The following SUGP2 variants were observed in gnomAD, a reference collection of about 807,000 sequenced individuals.
The protein encoded by SUGP2 is SURP and G-patch domain containing 2, also known as SURP and G-patch domain-containing protein 2.
A neutral mutation model predicts 90.5 loss-of-function variants in SUGP2; 24 were observed. That is an observed-to-expected ratio of 0.27 (90% CI 0.19 to 0.37). The LOEUF (loss-of-function observed/expected upper bound fraction) is 0.37, where lower values mean the gene tolerates loss of function less well. Ranked by LOEUF, SUGP2 falls within the 10% of genes least tolerant of loss-of-function variation. The probability of loss-of-function intolerance (pLI) is 1.00; values close to 1 mark genes in which losing one functional copy is unlikely to be tolerated. For synonymous variants in SUGP2, 473 were observed against 513.4 expected (o/e 0.92, Z 1.06); for missense variants, 1,233 against 1,363.3 (o/e 0.90, Z 1.51).
At chr19:19,028,552 C>T (rs1198467610) in intron 2 of SUGP2, among the ~76,000 whole-genome samples, 2 of 152,244 alleles carry the variant, frequency 1.3e-5, no homozygotes, top group African/African-American at 4.8e-5. Context: ...AGAATTTTCT[C>T]ATACCCTTTA....
At chr19:19,006,145 G>A (rs970227582) in intron 6 of SUGP2, among the ~76,000 whole-genome samples, 15 of 152,004 alleles carry the variant, frequency 9.9e-5, no homozygotes, top group Non-Finnish European at 1.8e-4. Flanking sequence ...GCTTGAACCC[G>A]AGAGGCGGAG....
rs775576918 is a variant in SUGP2, at chr19:18,994,390, G to A, written c.3225C>T (p.Tyr1075=). ...CCTATTTGTTGGCCCGCTTGTGTCT[G>A]TACATCTGCATCATCCTCTGTCGGA... ...DVFRQRMMQM[Y]RHKRANK is the part of the protein sequence containing the mutation. The change falls in exon 10 of 11, where the codon TAC becomes TAT. Residue 1075 remains tyrosine, a synonymous_variant. Transcript: ENST00000452918. 5.6e-6 allele frequency: 9 copies of A among 1,614,202 alleles called. No individual in the cohort carries two copies. The highest frequency in any genetic ancestry group is 1.7e-6 in the Non-Finnish European group (2 of 1,180,014).
chr19:19,004,057 G>A, intron 7 of SUGP2, 111 bp downstream of exon 7: 3 of 819,548 alleles, frequency 3.7e-6, no homozygotes, highest in Admixed American at 5.1e-5. Context: ...TTTTGGAGTG[G>A]TGCACAAAAC....
At chr19:18,994,215 C>A in intron 10 of SUGP2, 151 bp downstream of exon 10, 2 of 1,065,438 alleles carry the variant, frequency 1.9e-6, no homozygotes, top group Non-Finnish European at 2.8e-6. Context: ...CATCCATAGA[C>A]CCTTTTGTTT....
At position 18,999,457 on chromosome 19, in the gene SUGP2, C is replaced by T. The variant is rs149485735; in HGVS notation, c.2991+2156G>A. Reference sequence around the variant, plus strand: ...TACACGCCAAGGTTACAAAACTACTCGGTGGCAGGGCTGAGCTAGAGTACA... The same window carrying T: ...TACACGCCAAGGTTACAAAACTACTTGGTGGCAGGGCTGAGCTAGAGTACA... On this transcript the variant is annotated intron_variant, in intron 8 of 10. Coordinates refer to ENST00000452918, the MANE Select transcript of SUGP2 (RefSeq NM_001017392.5). 1.5e-3 allele frequency among the ~76,000 whole-genome samples: 225 copies of T among 152,312 alleles called. 1 individual carries two copies. Among genetic ancestry groups the T allele is most frequent in the Admixed American group, 5.6e-3 (85 of 15,300 alleles).
In SUGP2 at chr19:19,017,587, C is replaced by T. The variant is rs530274152; in HGVS notation, c.1850+1522G>A. Among the ~76,000 whole-genome samples, 12 of 152,148 alleles carry T rather than the reference C, an allele frequency of 7.9e-5. No homozygotes were observed. In the South Asian group the frequency reaches 1.7e-3, roughly 21 times the overall value. On this transcript the variant is annotated intron_variant, in intron 4 of 10. Coordinates refer to ENST00000452918, the MANE Select transcript of SUGP2 (RefSeq NM_001017392.5). ...AGGAGTTCAAGACCACCCTGGGCAACATGGTAAAACCCCGTCTCTACTAAA... is the reference window on the plus strand; with the variant it reads ...AGGAGTTCAAGACCACCCTGGGCAATATGGTAAAACCCCGTCTCTACTAAA...
At chr19:19,004,742 TG>T (rs2145393128) in intron 6 of SUGP2, 96 bp from the exon 7 acceptor site, 1 of 1,033,962 alleles carries the variant, frequency 9.7e-7, no homozygotes, top group African/African-American at 1.6e-5. Context: ...AAGGTGGAGG[TG>T]GGACAAGGGA....
intron 6 of SUGP2, among the ~76,000 whole-genome samples, chr19:19,005,848 C>A (rs1422792788): frequency 3.0e-4 from 3 of 10,102 alleles, no homozygotes; most frequent in African/African-American, 7.9e-4. Context: ...CTAACAAACA[C>A]ACACACACAC....
chr19:19,007,722 C>T (rs932153646), intron 6 of SUGP2, among the ~76,000 whole-genome samples: 1 of 140,294 alleles, frequency 7.1e-6, no homozygotes, highest in Non-Finnish European at 1.5e-5. Context: ...TCCCAAAGTG[C>T]GGGGATTACA....
chr19:19,012,855 T>A (rs553717536), intron 4 of SUGP2, among the ~76,000 whole-genome samples: 1 of 152,334 alleles, frequency 6.6e-6, no homozygotes, highest in African/African-American at 2.4e-5. Flanking sequence ...TATCATGGTT[T>A]TGGACTTAAA....
intron 3 of SUGP2, among the ~76,000 whole-genome samples, 165 bp from the exon 4 acceptor site, chr19:19,019,394 A>G (rs2058623533): frequency 6.6e-6 from 1 of 152,196 alleles, no homozygotes; most frequent in Admixed American, 6.5e-5. Context: ...AACAACCAAT[A>G]TGGAAAATCT....
chr19:19,033,355 G>GCCCGGGGCGGGCC (rs2059266911), intron 1 of SUGP2, 82 bp downstream of exon 1: 2 of 1,159,254 alleles, frequency 1.7e-6, no homozygotes, highest in South Asian at 7.1e-5. Context: ...CCATCACGGA[G>GCCCGGGGCGGGCC]CCCGGGGCGG....
At chr19:19,015,396 T>C (rs2145564025) in intron 4 of SUGP2, among the ~76,000 whole-genome samples, 1 of 152,332 alleles carries the variant, frequency 6.6e-6, no homozygotes, top group South Asian at 2.1e-4. Context: ...AAGGAGCATT[T>C]TGACTTAAGA....
In SUGP2 at chr19:19,024,752, C is replaced by T; in HGVS notation, c.1596G>A (p.Lys532=). The T allele has an allele frequency of 1.2e-6, 2 of 1,614,176 alleles. No homozygotes were observed. Among genetic ancestry groups the T allele is most frequent in the Non-Finnish European group, 1.7e-6 (2 of 1,180,044 alleles). The change falls in exon 3 of 11, where the codon AAG becomes AAA. Residue 532 remains lysine, a synonymous_variant. Transcript: ENST00000452918. The stretch of plus-strand genomic sequence containing the variant: ...GACATCCGCTGCTGACTAGCCAGGC[C>T]TTCAGGTGGTCTATGTACTCTCGCC... ...LFGREYIDHL[K]AWLVSSGCPL...
In SUGP2 at chr19:19,009,986, T is replaced by C; in HGVS notation, c.2207A>G (p.Asp736Gly). 6.2e-7 allele frequency: 1 copy of C among 1,614,064 alleles called. No individual in the cohort carries two copies. Among genetic ancestry groups the C allele is most frequent in the East Asian group, 2.2e-5 (1 of 44,864 alleles). The change falls in exon 5 of 11, where the codon GAC becomes GGC. Residue 736 changes from aspartate to glycine, a missense_variant. Physicochemically the swap from Asp to Gly is moderately conservative, Grantham distance 94. Coordinates refer to ENST00000452918, the MANE Select transcript of SUGP2 (RefSeq NM_001017392.5). Reference protein sequence around the residue: ...SLPDRNDAAKDCPPDPVGPSP... With the variant: ...SLPDRNDAAKGCPPDPVGPSP... ...AGGTCCAACTGGGTCTGGCGGGCAG[T>C]CCTTGGCAGCATCATTTCTGTCTGG...
At chr19:19,031,157 T>G (rs1241188094) in intron 1 of SUGP2, 75 bp from the exon 2 acceptor site, 1 of 1,511,284 alleles carries the variant, frequency 6.6e-7, no homozygotes, top group Non-Finnish European at 8.9e-7. Flanking sequence ...CCTGTAATCC[T>G]GGCACTTTGG....
intron 4 of SUGP2, among the ~76,000 whole-genome samples, chr19:19,011,986 C>G (rs1401268714): frequency 6.6e-6 from 1 of 152,172 alleles, no homozygotes; most frequent in Admixed American, 6.5e-5. Context: ...AGCGACATAT[C>G]AGTTATTAGA....
Position 18,991,061 on chromosome 19 carries a change from G to A in SUGP2, c.*2680C>T, listed in dbSNP as rs1344717986. The stretch of plus-strand genomic sequence containing the variant: ...TACAATTCTCTAAGTGATTTCCAGT[G>A]ATGGAAACAAGCCAGAGACAGTAAA... On this transcript the variant is annotated 3_prime_UTR_variant, in exon 11 of 11. Coordinates refer to ENST00000452918, the MANE Select transcript of SUGP2 (RefSeq NM_001017392.5). 1 of 152,070 alleles carries A rather than the reference G, an allele frequency of 6.6e-6. No individual in the cohort carries two copies. The highest frequency in any genetic ancestry group is 2.4e-5 in the African/African-American group (1 of 41,424). The allele number at this position is 152,070 out of a possible 1,614,324, so 9.4% of individuals were successfully genotyped here.
In SUGP2 at chr19:19,033,301, G is replaced by A. The variant is rs1352231930; in HGVS notation, c.-12+136C>T. The A allele has an allele frequency of 5.9e-6, 6 of 1,014,730 alleles. No homozygotes were observed. The Admixed American group carries it at 2.6e-4, about 45-fold the overall frequency. The allele number at this position is 1,014,730 out of a possible 1,614,324, so 62.9% of individuals were successfully genotyped here. A position where few individuals can be genotyped will look rare whatever the true frequency, so the allele number is the denominator to read the frequency against. On this transcript the variant is annotated intron_variant, in intron 1 of 10. Transcript: ENST00000452918. ...AGCCGGCCACCCAGGCCAACCCGGC[G>A]GGGACGCGGCCGCCGCCGCAGCCAG...
Sources: gnomAD v4.1 joint callset for allele counts (sites outside exome capture counted in the v4.1 genomes callset) on GRCh38, gnomAD v4.1.1 for gene constraint, MANE v1.5 for transcripts, NCBI Gene and HGNC (gene_info 2026-07-23, HGNC 2026-07-21) for gene names.